The following DCC variants were observed in gnomAD, a reference collection of about 807,000 sequenced individuals.
DCC encodes the protein netrin receptor DCC.
Under a neutral mutation model 172.5 loss-of-function variants are expected in DCC, and 58 were observed. That is an observed-to-expected ratio of 0.34 (90% CI 0.27 to 0.42). The LOEUF (loss-of-function observed/expected upper bound fraction) is 0.42, where lower values mean the gene tolerates loss of function less well. Among genes scored for constraint, DCC ranks in the 10% least tolerant of loss-of-function variants. DCC has a pLI of 1.00. For missense variants in DCC, 1,740 were observed against 1,791.0 expected, an observed-to-expected ratio of 0.97 and a Z score of 0.51; for synonymous variants, 709 against 644.5, an observed-to-expected ratio of 1.10 and a Z score of -1.52.
intron 2 of DCC, among the ~76,000 whole-genome samples, chr18:52,794,108 T>A (rs77737200): frequency 0.043 from 6,558 of 152,326 alleles, 219 homozygotes; most frequent in South Asian, 0.16. Context: ...TCCATTTTGC[T>A]CAGTATTGCT....
intron 9 of DCC, among the ~76,000 whole-genome samples, chr18:53,204,700 A>G (rs2055598046): frequency 6.6e-6 from 1 of 152,228 alleles, no homozygotes; most frequent in Admixed American, 6.5e-5. Context: ...ACTAAAATTC[A>G]TTTAATGAAC....
chr18:53,404,792 A>G (rs1235924904), intron 19 of DCC, among the ~76,000 whole-genome samples: 1 of 152,128 alleles, frequency 6.6e-6, no homozygotes, highest in Non-Finnish European at 1.5e-5. Context: ...TCTAAGCAAT[A>G]AAATTGTATA....
intron 1 of DCC, among the ~76,000 whole-genome samples, chr18:52,449,923 G>C (rs1473239516): frequency 2.6e-5 from 4 of 152,096 alleles, no homozygotes; most frequent in African/African-American, 4.8e-5. Flanking sequence ...ATAACTTTGA[G>C]TCCATTAAAC....
At chr18:52,492,891 A>T (rs1382271149) in intron 1 of DCC, among the ~76,000 whole-genome samples, 1 of 152,084 alleles carries the variant, frequency 6.6e-6, no homozygotes, top group Admixed American at 6.6e-5. Context: ...TTACTATGAT[A>T]GCCAATCATA....
At chr18:53,304,390 T>G (rs2057175811) in intron 12 of DCC, among the ~76,000 whole-genome samples, 1 of 152,050 alleles carries the variant, frequency 6.6e-6, no homozygotes, top group African/African-American at 2.4e-5. Context: ...GCAAAGATAA[T>G]AATTTTCTCT....
chr18:52,668,782 A>G (rs913580338), intron 1 of DCC, among the ~76,000 whole-genome samples: 2 of 152,216 alleles, frequency 1.3e-5, no homozygotes, highest in South Asian at 2.1e-4. Flanking sequence ...AGAACAGTTC[A>G]TCTTTCTACC....
chr18:52,889,156 T>C (rs1334931514), intron 2 of DCC, among the ~76,000 whole-genome samples: 2 of 152,138 alleles, frequency 1.3e-5, no homozygotes, highest in South Asian at 4.1e-4. Flanking sequence ...GAACTAGGAA[T>C]TGGAGATGGG....
intron 21 of DCC, among the ~76,000 whole-genome samples, chr18:53,428,482 T>C (rs1223026032): frequency 1.2e-4 from 7 of 59,082 alleles, no homozygotes; most frequent in African/African-American, 4.0e-4. Context: ...ATATAATATA[T>C]ATTTTTTATA....
chr18:53,530,138 T>C (rs2046509824), intron 28 of DCC, among the ~76,000 whole-genome samples: 1 of 152,222 alleles, frequency 6.6e-6, no homozygotes, highest in Admixed American at 6.5e-5. Context: ...ATTGAATATC[T>C]ACCATATGCC....
chr18:52,799,034 C>A (rs1203569780), intron 2 of DCC, among the ~76,000 whole-genome samples: 1 of 152,212 alleles, frequency 6.6e-6, no homozygotes, highest in Non-Finnish European at 1.5e-5. Flanking sequence ...CAGGCGTGAG[C>A]CACCGTGGCC....
At position 53,428,204 on chromosome 18, in the gene DCC, A is replaced by C. The variant is rs1456760041; in HGVS notation, c.3164-6940A>C. ...TATATAATATAGAATATATAATATT[A>C]TATATAAGTATATATAATTATAATT... On this transcript the variant is annotated intron_variant, in intron 21 of 28. Transcript: ENST00000442544. 5.0e-5 allele frequency among the ~76,000 whole-genome samples: 2 copies of C among 40,222 alleles called. 1 individual carries two copies. Among genetic ancestry groups the C allele is most frequent in the Non-Finnish European group, 1.1e-4 (2 of 18,918 alleles). 26.4% of individuals were successfully genotyped at this position (40,222 alleles called of 152,430 possible). A position where few individuals can be genotyped will look rare whatever the true frequency, so the allele number is the denominator to read the frequency against.
chr18:52,975,805 G>C (rs906038033), intron 5 of DCC, among the ~76,000 whole-genome samples: 1 of 152,154 alleles, frequency 6.6e-6, no homozygotes, highest in Non-Finnish European at 1.5e-5. Context: ...TATGAATAGT[G>C]CTGCAATAAA....
intron 2 of DCC, among the ~76,000 whole-genome samples, chr18:52,855,031 T>A (rs542531147): frequency 1.3e-5 from 2 of 152,214 alleles, no homozygotes; most frequent in East Asian, 1.9e-4. Flanking sequence ...TCAAGAGTTA[T>A]GTTGCATAAA....
At chr18:53,381,128 G>A (rs1907695333) in intron 15 of DCC, among the ~76,000 whole-genome samples, 1 of 48,400 alleles carries the variant, frequency 2.1e-5, no homozygotes, top group Admixed American at 1.5e-4. Flanking sequence ...GTTAGGAGAT[G>A]AAGAAATGAT....
chr18:52,783,652 G>A (rs1021706486), intron 2 of DCC, among the ~76,000 whole-genome samples: 4 of 151,342 alleles, frequency 2.6e-5, no homozygotes, highest in African/African-American at 9.7e-5. Context: ...CTAAATACAG[G>A]CTTATACTTC....
At chr18:53,358,755 C>T (rs759544305) in intron 15 of DCC, among the ~76,000 whole-genome samples, 9 of 151,910 alleles carry the variant, frequency 5.9e-5, no homozygotes, top group East Asian at 1.9e-4. Flanking sequence ...CTCCTGACCT[C>T]GTGATCTGCC....
chr18:52,658,936 T>C (rs2035307136), intron 1 of DCC, among the ~76,000 whole-genome samples: 1 of 152,212 alleles, frequency 6.6e-6, no homozygotes, highest in Non-Finnish European at 1.5e-5. Flanking sequence ...TGTCATTCAA[T>C]ATAATTCATT....
At position 52,551,498 on chromosome 18, in the gene DCC, T is replaced by G. The variant is rs181826441; in HGVS notation, c.92-200556T>G. Among the ~76,000 whole-genome samples, 698 of 152,050 alleles carry G rather than the reference T, an allele frequency of 4.6e-3. 5 individuals carry two copies. The highest frequency in any genetic ancestry group is 0.01 in the South Asian group (49 of 4,826). On this transcript the variant is annotated intron_variant, in intron 1 of 28. Coordinates refer to ENST00000442544, the MANE Select transcript of DCC (RefSeq NM_005215.4). Reference sequence around the variant, plus strand: ...CACACTTCAGAACATAAAGTTGTGCTAACAAAAACAGAAGAATCAACAAGA... The same window carrying G: ...CACACTTCAGAACATAAAGTTGTGCGAACAAAAACAGAAGAATCAACAAGA...
chr18:53,063,436 C>T lies in DCC; in HGVS notation c.1117C>T (p.Pro373Ser), dbSNP rs925711337. The part of the protein sequence containing the change: ...NWMKNGDVVI[P>S]SDYFQIVGGS... ...GATGAAGAATGGAGATGTGGTCATT[C>T]CTAGTGATTATTTTCAGATAGTGGT... is the stretch of plus-strand genomic sequence containing the variant. The change falls in exon 6 of 29, where the codon CCT becomes TCT. Residue 373 changes from proline to serine, a missense_variant. Around this residue, in one of 2 missense-constraint regions of DCC, gnomAD observed 1,732 missense variants for 1,767.4 expected, o/e 0.98. Transcript: ENST00000442544. The T allele has an allele frequency of 6.2e-6, 10 of 1,610,436 alleles. No individual in the cohort carries two copies. Among genetic ancestry groups the T allele is most frequent in the Non-Finnish European group, 8.5e-6 (10 of 1,177,188 alleles).
Sources: gnomAD v4.1 joint callset for allele counts (sites outside exome capture counted in the v4.1 genomes callset) on GRCh38, gnomAD v4.1.1 for gene constraint, gnomAD v4.1.1 regional missense constraint, MANE v1.5 for transcripts, NCBI Gene and HGNC (gene_info 2026-07-23, HGNC 2026-07-21) for gene names.